The following ST18 variants were observed in gnomAD, a reference collection of about 807,000 sequenced individuals.
ST18 encodes suppression of tumorigenicity 18 protein.
A neutral mutation model predicts 110.0 loss-of-function variants in ST18; 50 were observed. That is an observed-to-expected ratio of 0.45 (90% CI 0.36 to 0.58). The LOEUF is 0.58. Among genes scored for constraint, ST18 ranks in the 20% least tolerant of loss-of-function variants. The pLI is 0.00. For synonymous variants in ST18, 461 were observed against 452.4 expected (o/e 1.02, Z -0.24); for missense variants, 1,306 against 1,280.1 (o/e 1.02, Z -0.31).
intron 25 of ST18, among the ~76,000 whole-genome samples, chr8:52,113,957 T>TTTTG (rs2041459612): frequency 2.5e-5 from 1 of 39,952 alleles, no homozygotes; most frequent in East Asian, 1.1e-3. Context: ...ATACCGTGTT[T>TTTTG]TTTTTTTTTT....
At chr8:52,389,410 G>A (rs1838432098) in intron 2 of ST18, among the ~76,000 whole-genome samples, 1 of 152,166 alleles carries the variant, frequency 6.6e-6, no homozygotes, top group Admixed American at 6.5e-5. Flanking sequence ...GGGATGTGAT[G>A]ATATTAAAAG....
chr8:52,131,967 G>A lies in ST18; in HGVS notation c.2657C>T (p.Thr886Ile). 2 of 1,614,084 alleles carry A rather than the reference G, an allele frequency of 1.2e-6. No homozygotes were observed. Among genetic ancestry groups the A allele is most frequent in the Non-Finnish European group, 1.7e-6 (2 of 1,179,984 alleles). The part of the protein sequence containing the change: ...GLGHVNNVFV[T>I]HRSLSGCPLN... ...AGAAAACTCATGTTACCTTCGGTGG[G>A]TGACAAAAACATTATTTACATGGCC... is the stretch of plus-strand genomic sequence containing the variant. The change falls in exon 22 of 26, where the codon ACC becomes ATC. Residue 886 changes from threonine (T) to isoleucine (I), a missense_variant. Thr to Ile is a moderately conservative substitution (Grantham distance 89). Coordinates refer to ENST00000689386, the MANE Select transcript of ST18 (RefSeq NM_001352837.2).
chr8:52,332,592 C>T (rs1410675172), intron 2 of ST18, among the ~76,000 whole-genome samples: 1 of 143,150 alleles, frequency 7.0e-6, no homozygotes, highest in Non-Finnish European at 1.5e-5. Context: ...GTGGCTCAAG[C>T]CTGTAATCCC....
At chr8:52,119,071 A>G (rs2043642186) in intron 23 of ST18, among the ~76,000 whole-genome samples, 1 of 152,150 alleles carries the variant, frequency 6.6e-6, no homozygotes, top group Admixed American at 6.5e-5. Flanking sequence ...GGAAAATGTA[A>G]TTTAGGGGGA....
intron 5 of ST18, among the ~76,000 whole-genome samples, chr8:52,218,977 A>T (rs1016642553): frequency 6.6e-6 from 1 of 151,910 alleles, no homozygotes; most frequent in Non-Finnish European, 1.5e-5. Flanking sequence ...CACGTTTTTT[A>T]AAAAAAATGA....
chr8:52,385,836 TAG>T (rs973702053), intron 2 of ST18, among the ~76,000 whole-genome samples: 10 of 152,152 alleles, frequency 6.6e-5, no homozygotes, highest in African/African-American at 2.4e-4. Flanking sequence ...GGAATTGCAG[TAG>T]AGTCTGAGGG....
chr8:52,331,656 T>C (rs1479762075), intron 2 of ST18, among the ~76,000 whole-genome samples: 1 of 152,220 alleles, frequency 6.6e-6, no homozygotes, highest in Non-Finnish European at 1.5e-5. Context: ...AAGTGAACTA[T>C]CACACATTGT....
At chr8:52,370,892 C>G (rs996183550) in intron 2 of ST18, among the ~76,000 whole-genome samples, 1 of 152,166 alleles carries the variant, frequency 6.6e-6, no homozygotes, top group Non-Finnish European at 1.5e-5. Context: ...CCAACTGATC[C>G]AGTCTATGTA....
At chr8:52,155,949 C>T (rs773776686) in intron 15 of ST18, among the ~76,000 whole-genome samples, 58 of 152,234 alleles carry the variant, frequency 3.8e-4, no homozygotes, top group Non-Finnish European at 7.2e-4. Context: ...ATTCATACTC[C>T]TATGGGGTGC....
intron 2 of ST18, among the ~76,000 whole-genome samples, chr8:52,322,882 G>A (rs1051780346): frequency 6.6e-6 from 1 of 152,208 alleles, no homozygotes. Flanking sequence ...ATGATTGGGT[G>A]TGTTATTGAA....
Position 52,172,253 on chromosome 8 carries a change from C to A in ST18, c.608G>T (p.Trp203Leu). 1 of 1,614,164 alleles carries A rather than the reference C, an allele frequency of 6.2e-7. No homozygotes were observed. The highest frequency in any genetic ancestry group is 1.1e-5 in the South Asian group (1 of 91,070). Residue 203 changes from tryptophan to leucine, a missense_variant, in exon 10 of 26, where the codon TGG becomes TTG. Trp to Leu is a moderately conservative substitution (Grantham distance 61). Transcript: ENST00000689386. Reference sequence around the variant, plus strand: ...TTCTGAGAAGTTGGAGCCACTGTCCCAGCCATTTTCTGCACTTTCAGAGTT... The same window carrying A: ...TTCTGAGAAGTTGGAGCCACTGTCCAAGCCATTTTCTGCACTTTCAGAGTT... ...ESNSESAENG[W>L]DSGSNFSEET...
At chr8:52,285,705 C>T (rs2139238915) in intron 2 of ST18, among the ~76,000 whole-genome samples, 1 of 152,310 alleles carries the variant, frequency 6.6e-6, no homozygotes, top group East Asian at 1.9e-4. Flanking sequence ...CCTGCTGATG[C>T]CCAGAAATGC....
intron 2 of ST18, among the ~76,000 whole-genome samples, chr8:52,239,278 G>A (rs1009391542): frequency 6.6e-6 from 1 of 152,124 alleles, no homozygotes; most frequent in Non-Finnish European, 1.5e-5. Flanking sequence ...GTTGACCATG[G>A]TGATGAATGC....
chr8:52,224,869 C>T (rs1352929318), intron 3 of ST18, among the ~76,000 whole-genome samples: 1 of 152,196 alleles, frequency 6.6e-6, no homozygotes, highest in Non-Finnish European at 1.5e-5. Flanking sequence ...CACACAATTT[C>T]CATGGACGAA....
chr8:52,404,350 T>A (rs975823560), intron 2 of ST18: 5 of 152,018 alleles, frequency 3.3e-5, no homozygotes, highest in Non-Finnish European at 5.9e-5. Context: ...AGGGCTCAGG[T>A]ATTTGTTGGG....
At chr8:52,344,914 ATTG>A (rs963090504) in intron 2 of ST18, among the ~76,000 whole-genome samples, 265 of 152,274 alleles carry the variant, frequency 1.7e-3, no homozygotes, top group African/African-American at 6.1e-3. Context: ...GGTATGTATT[ATTG>A]TTATTATTAT....
chr8:52,132,879 A>C (rs2050263627), intron 21 of ST18, among the ~76,000 whole-genome samples, 178 bp downstream of exon 21: 1 of 152,192 alleles, frequency 6.6e-6, no homozygotes, highest in South Asian at 2.1e-4. Flanking sequence ...GAGCTGTGGA[A>C]GTGTAGATAT....
chr8:52,172,924 A>G (rs1380077857), intron 9 of ST18, among the ~76,000 whole-genome samples: 5 of 152,196 alleles, frequency 3.3e-5, no homozygotes, highest in Non-Finnish European at 2.9e-5. Context: ...CAATAATAGT[A>G]TTTGCTGAAT....
chr8:52,145,956 C>T (rs559775635), intron 16 of ST18, among the ~76,000 whole-genome samples: 1 of 152,212 alleles, frequency 6.6e-6, no homozygotes, highest in Non-Finnish European at 1.5e-5. Flanking sequence ...TCTGGACAGG[C>T]TATTTCACTG....
Sources: allele counts gnomAD v4.1 joint callset (sites outside exome capture counted in the v4.1 genomes callset), GRCh38; gene constraint gnomAD v4.1.1; transcripts MANE v1.5; gene names NCBI Gene and HGNC (gene_info 2026-07-23, HGNC 2026-07-21).